Variants in ZNF804B observed in about 807,000 individuals in gnomAD.
The protein encoded by ZNF804B is zinc finger protein 804B.
A neutral mutation model predicts 101.4 loss-of-function variants in ZNF804B; 80 were observed. That is an observed-to-expected ratio of 0.79 (90% confidence interval 0.66 to 0.95). The LOEUF (loss-of-function observed/expected upper bound fraction) is 0.95, where lower values mean the gene tolerates loss of function less well. Ranked by LOEUF, ZNF804B falls within the 40% of genes least tolerant of loss-of-function variation. ZNF804B has a pLI of 0.00. For missense variants in ZNF804B, 1,673 were observed against 1,561.9 expected (o/e 1.07, Z -1.20); for synonymous variants, 622 against 558.8 (o/e 1.11, Z -1.59).
chr7:89,036,025 A>ATTAT (rs1788921958), intron 1 of ZNF804B, among the ~76,000 whole-genome samples: 1 of 145,976 alleles, frequency 6.9e-6, no homozygotes, highest in Non-Finnish European at 1.5e-5. Flanking sequence ...GTATATATTA[A>ATTAT]TATGTTATAT....
intron 1 of ZNF804B, among the ~76,000 whole-genome samples, chr7:89,206,712 A>T (rs920046465): frequency 6.6e-6 from 1 of 152,184 alleles, no homozygotes; most frequent in Admixed American, 6.5e-5. Context: ...AGATCACGCC[A>T]TTGCACTCCA....
chr7:88,801,420 A>G (rs1013860095), intron 1 of ZNF804B, among the ~76,000 whole-genome samples: 1 of 152,096 alleles, frequency 6.6e-6, no homozygotes, highest in Admixed American at 6.6e-5. Flanking sequence ...AGTGCCTGTA[A>G]TTATAACTGT....
chr7:88,805,312 T>C (rs1790667417), intron 1 of ZNF804B, among the ~76,000 whole-genome samples: 1 of 152,226 alleles, frequency 6.6e-6, no homozygotes, highest in Non-Finnish European at 1.5e-5. Flanking sequence ...CTAAATAACA[T>C]ATTGTTTTTA....
chr7:89,237,384 A>T (rs1237981853), intron 2 of ZNF804B, among the ~76,000 whole-genome samples: 1 of 152,050 alleles, frequency 6.6e-6, no homozygotes, highest in Non-Finnish European at 1.5e-5. Flanking sequence ...ATTCATCCTT[A>T]CTGAATACCT....
intron 2 of ZNF804B, among the ~76,000 whole-genome samples, chr7:89,311,686 A>C (rs1790652512): frequency 1.3e-5 from 2 of 152,218 alleles, no homozygotes; most frequent in South Asian, 4.1e-4. Context: ...GGCAATTAAA[A>C]GCCCTGTGAC....
intron 1 of ZNF804B, among the ~76,000 whole-genome samples, chr7:88,873,844 C>A (rs1791880398): frequency 6.6e-6 from 1 of 152,086 alleles, no homozygotes; most frequent in African/African-American, 2.4e-5. Flanking sequence ...TGTTTTGGTA[C>A]CAGTACCACA....
At chr7:88,781,962 G>A (rs1790233869) in intron 1 of ZNF804B, among the ~76,000 whole-genome samples, 1 of 152,184 alleles carries the variant, frequency 6.6e-6, no homozygotes, top group South Asian at 2.1e-4. Flanking sequence ...GAAATTGGGA[G>A]CTGAGGTGAC....
chr7:89,135,242 C>T (rs1368005489), intron 1 of ZNF804B, among the ~76,000 whole-genome samples: 1 of 152,106 alleles, frequency 6.6e-6, no homozygotes, highest in Non-Finnish European at 1.5e-5. Flanking sequence ...TGGGCATTCT[C>T]TTATGGCTGC....
intron 1 of ZNF804B, among the ~76,000 whole-genome samples, chr7:88,952,226 T>G (rs962381509): frequency 5.9e-5 from 9 of 151,820 alleles, no homozygotes; most frequent in African/African-American, 2.2e-4. Context: ...ATATTCACAT[T>G]GTGAGAATTA....
chr7:89,090,850 T>C (rs955083257), intron 1 of ZNF804B, among the ~76,000 whole-genome samples: 2 of 151,730 alleles, frequency 1.3e-5, no homozygotes, highest in Non-Finnish European at 2.9e-5. Flanking sequence ...ACAGAGAGTA[T>C]AAAGGAACTG....
chr7:89,252,439 C>T (rs1046283031), intron 2 of ZNF804B, among the ~76,000 whole-genome samples: 1 of 152,096 alleles, frequency 6.6e-6, no homozygotes, highest in African/African-American at 2.4e-5. Flanking sequence ...AGTGTTGGAA[C>T]ATAAATTAGT....
intron 1 of ZNF804B, among the ~76,000 whole-genome samples, chr7:88,814,218 T>A (rs2115741658): frequency 6.6e-6 from 1 of 152,244 alleles, no homozygotes; most frequent in African/African-American, 2.4e-5. Flanking sequence ...TATATATACT[T>A]TTATACATGT....
intron 2 of ZNF804B, among the ~76,000 whole-genome samples, chr7:89,280,807 G>A (rs1205076331): frequency 1.3e-5 from 2 of 152,194 alleles, no homozygotes; most frequent in Non-Finnish European, 2.9e-5. Flanking sequence ...TGGATTCACA[G>A]CCGAATTCTA....
intron 2 of ZNF804B, among the ~76,000 whole-genome samples, chr7:89,233,974 G>A (rs770278057): frequency 2.0e-5 from 3 of 152,156 alleles, no homozygotes; most frequent in Non-Finnish European, 2.9e-5. Flanking sequence ...TAGAGTAAAA[G>A]CCTTAGCATT....
At chr7:88,957,518 C>T (rs1342748648) in intron 1 of ZNF804B, among the ~76,000 whole-genome samples, 1 of 151,112 alleles carries the variant, frequency 6.6e-6, no homozygotes, top group Admixed American at 6.6e-5. Context: ...GATTATCAAA[C>T]ACATGAATTA....
chr7:88,796,444 C>T (rs1010329986), intron 1 of ZNF804B, among the ~76,000 whole-genome samples: 7 of 152,048 alleles, frequency 4.6e-5, no homozygotes, highest in African/African-American at 9.7e-5. Context: ...ACAATCTTTC[C>T]GAAGATGTAA....
intron 1 of ZNF804B, among the ~76,000 whole-genome samples, chr7:88,895,827 A>G (rs961377364): frequency 2.0e-5 from 3 of 152,244 alleles, no homozygotes; most frequent in Non-Finnish European, 2.9e-5. Context: ...CCAAAAGTGT[A>G]AAATAAATAT....
intron 1 of ZNF804B, among the ~76,000 whole-genome samples, chr7:88,817,234 G>A (rs1259539820): frequency 1.3e-5 from 2 of 151,670 alleles, no homozygotes; most frequent in Non-Finnish European, 2.9e-5. Flanking sequence ...CCTGTTGTGG[G>A]ATGGGGGGAT....
chr7:88,986,626 C>G (rs1419864985), intron 1 of ZNF804B, among the ~76,000 whole-genome samples: 1 of 152,080 alleles, frequency 6.6e-6, no homozygotes, highest in Non-Finnish European at 1.5e-5. Context: ...TGACCTCGTG[C>G]AATGCTGTCC....
Sources: allele counts gnomAD v4.1 joint callset (sites outside exome capture counted in the v4.1 genomes callset), GRCh38; gene constraint gnomAD v4.1.1; transcripts MANE v1.5; gene names NCBI Gene and HGNC (gene_info 2026-07-23, HGNC 2026-07-21).